The following CORO7 variants were observed in gnomAD, a reference collection of about 807,000 sequenced individuals.
CORO7 encodes the protein coronin 7.
Under a neutral mutation model 126.6 loss-of-function variants are expected in CORO7, and 107 were observed. That is an observed-to-expected ratio of 0.85 (90% CI 0.72 to 0.99). The LOEUF (loss-of-function observed/expected upper bound fraction) is 0.99, where lower values mean the gene tolerates loss of function less well. Among genes scored for constraint, CORO7 ranks in the 50% least tolerant of loss-of-function variants. The pLI is 0.00. For missense variants in CORO7, 1,314 were observed against 1,255.8 expected, an observed-to-expected ratio of 1.05 and a Z score of -0.70; for synonymous variants, 603 against 536.8, an observed-to-expected ratio of 1.12 and a Z score of -1.70.
intron 6 of CORO7, among the ~76,000 whole-genome samples, chr16:4,403,513 T>A (rs943735574): frequency 1.3e-5 from 2 of 152,088 alleles, no homozygotes; most frequent in Non-Finnish European, 2.9e-5. Context: ...CACGACCCAC[T>A]TAGGAAATGT....
chr16:4,392,687 A>G (rs577062529), intron 7 of CORO7, among the ~76,000 whole-genome samples: 1 of 152,350 alleles, frequency 6.6e-6, no homozygotes, highest in East Asian at 1.9e-4. Context: ...AGGAGCTCCC[A>G]GAAGGCCTCT....
intron 9 of CORO7, chr16:4,382,176 C>A: frequency 6.3e-7 from 1 of 1,596,248 alleles, no homozygotes; most frequent in East Asian, 2.3e-5. Context: ...GCTTGTGCCC[C>A]GAAGGCTTCA....
chr16:4,359,380 G>A lies in CORO7; in HGVS notation c.2256C>T (p.Asp752=). 3.1e-6 allele frequency: 5 copies of A among 1,613,622 alleles called. No individual in the cohort carries two copies. The South Asian group carries it at 5.5e-5, about 18-fold the overall frequency. Residue 752 remains aspartate, a synonymous_variant, in exon 23 of 28, where the codon GAC becomes GAT. Coordinates refer to ENST00000251166, the MANE Select transcript of CORO7 (RefSeq NM_024535.5). ...GCAGCTCGTACAGGAATACACGGGT[G>A]TCGCCCTGCGGGGAAGAAGGCAGGC... ...TGLVLLTGKG[D]TRVFLYELLP... is the part of the protein sequence containing the mutation.
rs77617261 is a variant in CORO7, at chr16:4,388,449, C to T, written c.702+96G>A. The T allele has an allele frequency of 3.2e-5, 45 of 1,385,792 alleles. No homozygotes were observed. In the Middle Eastern group the frequency reaches 5.5e-4, roughly 17 times the overall value. The allele number at this position is 1,385,792 out of a possible 1,614,324, so 85.8% of individuals were successfully genotyped here. On this transcript the variant is annotated intron_variant, in intron 8 of 27. Coordinates refer to ENST00000251166, the MANE Select transcript of CORO7 (RefSeq NM_024535.5). ...TATATGGACAGGCCTGGAACTGGCC[C>T]TCAGTCCCCCGCCTCCCATTGGTTT... is the stretch of plus-strand genomic sequence containing the variant.
rs112435836 is a variant in CORO7, at chr16:4,408,077, T to C, written c.303+104A>G. On this transcript the variant is annotated intron_variant, in intron 4 of 27. Transcript: ENST00000251166. ...GCAGCCCTGGGGAGTGGGGTGGGGCTGGACTGGGAGGCAGCAGAGCCCTGT... is the reference window on the plus strand; with the variant it reads ...GCAGCCCTGGGGAGTGGGGTGGGGCCGGACTGGGAGGCAGCAGAGCCCTGT... The C allele has an allele frequency of 7.9e-4, 1,228 of 1,548,320 alleles. 8 individuals are homozygous for C. The African/African-American group carries it at 0.014, about 17-fold the overall frequency.
In CORO7 at chr16:4,407,603, C is replaced by A; in HGVS notation, c.385G>T (p.Val129Leu). ...GTGGGGTGGAACTGCAGTACCTCCA[C>A]TGGGAGGTCCTCGGGGCCCAGCACC... ...GVVLGPEDLPVEVLQFHPTSD... is the reference protein window; with the variant it reads ...GVVLGPEDLPLEVLQFHPTSD... The change falls in exon 5 of 28, where the codon GTG becomes TTG. Residue 129 changes from valine to leucine, a missense_variant. Val to Leu is a conservative substitution (Grantham distance 32). Transcript: ENST00000251166. 6.3e-7 allele frequency: 1 copy of A among 1,597,172 alleles called. No homozygotes were observed. The highest frequency in any genetic ancestry group is 1.1e-5 in the South Asian group (1 of 88,688).
chr16:4,398,488 A>G (rs1232157413), intron 6 of CORO7, among the ~76,000 whole-genome samples: 1 of 152,126 alleles, frequency 6.6e-6, no homozygotes, highest in East Asian at 1.9e-4. Context: ...CAACATGGTG[A>G]AACCCCGTCT....
intron 5 of CORO7, 33 bp downstream of exon 5, chr16:4,407,468 G>T: frequency 6.4e-7 from 1 of 1,554,092 alleles, no homozygotes; most frequent in Non-Finnish European, 8.7e-7. Flanking sequence ...GAGTGGGGCT[G>T]CCCTGGGAAG....
intron 16 of CORO7, 198 bp from the exon 17 acceptor site, chr16:4,361,667 G>T: frequency 1.2e-6 from 1 of 808,340 alleles, no homozygotes; most frequent in South Asian, 1.5e-5. Flanking sequence ...AGAGAGTGAG[G>T]GGGCAGCAGC....
intron 9 of CORO7, among the ~76,000 whole-genome samples, chr16:4,377,428 G>A (rs1007777058): frequency 1.3e-5 from 2 of 152,044 alleles, no homozygotes; most frequent in Non-Finnish European, 2.9e-5. Context: ...CCAAGCACAC[G>A]CCCAGACCCC....
At chr16:4,403,998 T>C (rs1327870075) in intron 6 of CORO7, among the ~76,000 whole-genome samples, 1 of 152,170 alleles carries the variant, frequency 6.6e-6, no homozygotes, top group Non-Finnish European at 1.5e-5. Flanking sequence ...AGGGGCTCCC[T>C]GGGGGCCTTA....
chr16:4,358,393 C>G lies in CORO7; in HGVS notation c.2431G>C (p.Val811Leu). ...CGGACTCGGGGCAGCCGGAAGGCCA[C>G]AGGCTCCAGGGAGGACTGACGCAGC... is the stretch of plus-strand genomic sequence containing the variant. ...LRLRQSSLEPVAFRLPRVRKE... is the reference protein window; with the variant it reads ...LRLRQSSLEPLAFRLPRVRKE... Residue 811 changes from valine (V) to leucine (L), a missense_variant, in exon 24 of 28, where the codon GTG (valine) becomes CTG (leucine). Val to Leu is a conservative substitution (Grantham distance 32). Coordinates refer to ENST00000251166, the MANE Select transcript of CORO7 (RefSeq NM_024535.5). 1.2e-6 allele frequency: 2 copies of G among 1,612,748 alleles called. No individual in the cohort carries two copies. The highest frequency in any genetic ancestry group is 1.7e-6 in the Non-Finnish European group (2 of 1,179,838).
chr16:4,355,185 T>C, intron 27 of CORO7, 22 bp from the exon 28 acceptor site: 1 of 1,548,088 alleles, frequency 6.5e-7, no homozygotes, highest in South Asian at 1.2e-5. Flanking sequence ...CACCAAGAGG[T>C]GGGAGGGAGT....
At chr16:4,364,508 C>T (rs1227159323) in intron 13 of CORO7, 89 bp downstream of exon 13, 3 of 1,487,510 alleles carry the variant, frequency 2.0e-6, no homozygotes, top group African/African-American at 1.4e-5. Context: ...TGGGGGGCAC[C>T]CAGCAGGCCA....
In CORO7 at chr16:4,359,277, G is replaced by T. The variant is rs761770220; in HGVS notation, c.2340+19C>A. ...AGCCTTGTGGTCCCATCGGGGACGA[G>T]GCGCCAGGGTGGCCTCACCTTGTGG... is the stretch of plus-strand genomic sequence containing the variant. On this transcript the variant is annotated intron_variant, in intron 23 of 27. Transcript: ENST00000251166. The T allele has an allele frequency of 2.5e-6, 4 of 1,583,292 alleles. No individual in the cohort carries two copies. Among genetic ancestry groups the T allele is most frequent in the Non-Finnish European group, 3.4e-6 (4 of 1,166,154 alleles).
At chr16:4,364,167 C>T in intron 14 of CORO7, 109 bp downstream of exon 14, 1 of 1,341,444 alleles carries the variant, frequency 7.5e-7, no homozygotes, top group Non-Finnish European at 9.6e-7. Context: ...GCTTGGGTGA[C>T]AGAGTGAGAC....
chr16:4,371,384 AT>A (rs2054514759), intron 9 of CORO7, among the ~76,000 whole-genome samples: 1 of 152,102 alleles, frequency 6.6e-6, no homozygotes, highest in African/African-American at 2.4e-5. Context: ...ACATTGAGAG[AT>A]TTCACCTAAA....
In CORO7 at chr16:4,360,870, TGCTGGCCCC is replaced by T. The variant is rs1359519609; in HGVS notation, c.1917+64_1917+72del. On this transcript the variant is annotated intron_variant, in intron 19 of 27. Coordinates refer to ENST00000251166, the MANE Select transcript of CORO7 (RefSeq NM_024535.5). ...CACTGCTGGCCCCGCCACTCCTCAC[TGCTGGCCCC>T]ACCTCTCCACACTGCTGGCCCCGCC... 6.2e-5 allele frequency: 21 copies of T among 339,418 alleles called. 1 individual carries two copies. Among genetic ancestry groups the T allele is most frequent in the Middle Eastern group, 9.4e-4 (1 of 1,068 alleles). 21.0% of individuals were successfully genotyped at this position (339,418 alleles called of 1,614,324 possible). A position where few individuals can be genotyped will look rare whatever the true frequency, so the allele number is the denominator to read the frequency against.
At chr16:4,396,840 A>G (rs1487821867) in intron 6 of CORO7, among the ~76,000 whole-genome samples, 1 of 151,650 alleles carries the variant, frequency 6.6e-6, no homozygotes, top group Non-Finnish European at 1.5e-5. Context: ...ACATGGTGAA[A>G]CCCCGTTTCT....
Sources: allele counts gnomAD v4.1 joint callset (sites outside exome capture counted in the v4.1 genomes callset), GRCh38; gene constraint gnomAD v4.1.1; transcripts MANE v1.5; gene names NCBI Gene and HGNC (gene_info 2026-07-23, HGNC 2026-07-21).